PNISR: variants seen among roughly 807,000 people sequenced by gnomAD.
PNISR encodes PNN interacting serine and arginine rich protein, also known as arginine/serine-rich protein PNISR.
A neutral mutation model predicts 93.4 loss-of-function variants in PNISR; 20 were observed. That is an observed-to-expected ratio of 0.21 (90% CI 0.15 to 0.31). The LOEUF (loss-of-function observed/expected upper bound fraction) is 0.31, where lower values mean the gene tolerates loss of function less well. Ranked by LOEUF, PNISR falls within the 10% of genes least tolerant of loss-of-function variation. The pLI is 1.00. For synonymous variants in PNISR, 305 were observed against 306.5 expected (o/e 0.99, Z 0.05); for missense variants, 893 against 985.4 (o/e 0.91, Z 1.25).
intron 1 of PNISR, chr6:99,424,972 G>A (rs1369098577): frequency 5.7e-6 from 2 of 353,612 alleles, no homozygotes; most frequent in African/African-American, 4.2e-5. Context: ...CGTCCGAGAG[G>A]AAACTCTGTG....
In PNISR at chr6:99,416,354, AG is replaced by A; in HGVS notation, c.-38del. The A allele has an allele frequency of 8.8e-7, 1 of 1,139,556 alleles. No individual in the cohort carries two copies. The highest frequency in any genetic ancestry group is 1.1e-6 in the Non-Finnish European group (1 of 903,938). The allele number at this position is 1,139,556 out of a possible 1,614,324, so 70.6% of individuals were successfully genotyped here. ...CAACTGCTATTTAAACTGACCTCAG[AG>A]GTTCACCTTCTGTTTAAAACTTAGG... On this transcript the variant is annotated 5_prime_UTR_variant, in exon 2 of 12. Coordinates refer to ENST00000369239, the MANE Select transcript of PNISR (RefSeq NM_032870.4).
intron 3 of PNISR, among the ~76,000 whole-genome samples, chr6:99,413,126 G>A (rs139279218): frequency 4.0e-5 from 6 of 151,682 alleles, no homozygotes; most frequent in African/African-American, 9.7e-5. Context: ...ATAATCAAAC[G>A]CTATCATTTC....
chr6:99,414,459 TA>T, intron 3 of PNISR, 112 bp downstream of exon 3: 1 of 490,826 alleles, frequency 2.0e-6, no homozygotes. Context: ...ATTCTGACCA[TA>T]AAATGATCCA....
rs9376159 is a variant in PNISR, at chr6:99,412,234, C to T, written c.277+317G>A. 9 of 511,820 alleles carry T rather than the reference C, an allele frequency of 1.8e-5. No homozygotes were observed. In the East Asian group the frequency reaches 2.7e-4, roughly 15 times the overall value. The allele number at this position is 511,820 out of a possible 1,614,324, so 31.7% of individuals were successfully genotyped here. On this transcript the variant is annotated intron_variant, in intron 4 of 11. Transcript: ENST00000369239. ...TCTGCCAGTGCTGCTTCTGAAAAGG[C>T]CAGAGGTTGCAATAGAGAGACAAAG...
In PNISR at chr6:99,410,593, T is replaced by C. The variant is rs958379008; in HGVS notation, c.501+148A>G. 18 of 554,160 alleles carry C rather than the reference T, an allele frequency of 3.2e-5. No homozygotes were observed. The East Asian group carries it at 4.8e-4, about 15-fold the overall frequency. 34.3% of individuals were successfully genotyped at this position (554,160 alleles called of 1,614,324 possible). On this transcript the variant is annotated intron_variant, in intron 5 of 11. Coordinates refer to ENST00000369239, the MANE Select transcript of PNISR (RefSeq NM_032870.4). ...AGAAAACAAATTCTAATTATTTTAA[T>C]ACTCAAAAATTGATAACTGAGACAG...
At position 99,401,751 on chromosome 6, in the gene PNISR, C is replaced by A. The variant is rs181032611; in HGVS notation, c.1328-121G>T. On this transcript the variant is annotated intron_variant, in intron 11 of 11. Coordinates refer to ENST00000369239, the MANE Select transcript of PNISR (RefSeq NM_032870.4). ...ATTTTCAATAGAATTACGATGCAAG[C>A]CATGTAAGTAATTCAAAATTTTTTA... 1.3e-3 allele frequency: 912 copies of A among 710,534 alleles called. 1 individual carries two copies. Among genetic ancestry groups the A allele is most frequent in the Non-Finnish European group, 1.6e-3 (811 of 497,496 alleles). The allele number at this position is 710,534 out of a possible 1,614,324, so 44.0% of individuals were successfully genotyped here. A position where few individuals can be genotyped will look rare whatever the true frequency, so the allele number is the denominator to read the frequency against.
Position 99,410,779 on chromosome 6 carries a change from T to G in PNISR, c.463A>C (p.Asn155His), listed in dbSNP as rs748213911. Residue 155 changes from asparagine (N) to histidine (H), a missense_variant, in exon 5 of 12, where the codon AAT becomes CAT. Physicochemically the swap from Asn to His is moderately conservative, Grantham distance 68. Transcript: ENST00000369239. ...NNHNFGGPPD[N>H]FAVGPVNQFD... Reference sequence around the variant, plus strand: ...TGGTTCACTGGCCCCACTGCAAAATTATCGGGTGGTCCACCAAAGTTGTGA... The same window carrying G: ...TGGTTCACTGGCCCCACTGCAAAATGATCGGGTGGTCCACCAAAGTTGTGA... 1.9e-6 allele frequency: 3 copies of G among 1,613,958 alleles called. No homozygotes were observed. Among genetic ancestry groups the G allele is most frequent in the Non-Finnish European group, 2.5e-6 (3 of 1,179,980 alleles).
intron 2 of PNISR, 70 bp from the exon 3 acceptor site, chr6:99,414,760 TA>T (rs1777442729): frequency 1.6e-6 from 1 of 638,998 alleles, no homozygotes; most frequent in African/African-American, 1.9e-5. Flanking sequence ...CATCAGAAAT[TA>T]TTATATGATG....
chr6:99,406,212 T>C, intron 7 of PNISR, 44 bp from the exon 8 acceptor site: 1 of 1,334,330 alleles, frequency 7.5e-7, no homozygotes. Context: ...ATGTGTATAA[T>C]GTAAAATCCT....
chr6:99,422,313 T>C (rs1021514108), intron 1 of PNISR, among the ~76,000 whole-genome samples: 37 of 152,300 alleles, frequency 2.4e-4, no homozygotes, highest in African/African-American at 8.7e-4. Context: ...ATGCATAGGA[T>C]GAAATATTTC....
chr6:99,414,614 G>T lies in PNISR; in HGVS notation c.46C>A (p.Gln16Lys). 1 of 1,607,556 alleles carries T rather than the reference G, an allele frequency of 6.2e-7. No homozygotes were observed. Among genetic ancestry groups the T allele is most frequent in the Non-Finnish European group, 8.5e-7 (1 of 1,174,878 alleles). ...TGGAATGACTGCATCCATTGTTGCT[G>T]GTTCAAGGGCCACTGCTGCCAAGGC... ...GQPWQQWPLN[Q>K]QQWMQSFQHQ... The change falls in exon 3 of 12, where the codon CAG (glutamine) becomes AAG (lysine). Residue 16 changes from glutamine to lysine, a missense_variant. Gln to Lys is a moderately conservative substitution (Grantham distance 53). Coordinates refer to ENST00000369239, the MANE Select transcript of PNISR (RefSeq NM_032870.4).
intron 3 of PNISR, among the ~76,000 whole-genome samples, chr6:99,413,614 C>G (rs1777275406): frequency 6.6e-6 from 1 of 152,102 alleles, no homozygotes; most frequent in Admixed American, 6.6e-5. Flanking sequence ...GCATGAACCA[C>G]CGCACCTGGC....
Position 99,403,898 on chromosome 6 carries a change from AC to A in PNISR, c.1103-17del. On this transcript the variant is annotated splice_polypyrimidine_tract_variant and intron_variant, in intron 9 of 11. Transcript: ENST00000369239. Reference sequence around the variant, plus strand: ...TTTGCAGGAGCTTTGTATCACATCAACAACAGGAACAACATGTTAACACAAA... The same window carrying A: ...TTTGCAGGAGCTTTGTATCACATCAAAACAGGAACAACATGTTAACACAAA... 1 of 1,600,160 alleles carries A rather than the reference AC, an allele frequency of 6.2e-7. No individual in the cohort carries two copies. The highest frequency in any genetic ancestry group is 8.6e-7 in the Non-Finnish European group (1 of 1,167,894).
At chr6:99,404,904 A>C (rs1775965514) in intron 8 of PNISR, among the ~76,000 whole-genome samples, 1 of 151,858 alleles carries the variant, frequency 6.6e-6, no homozygotes, top group African/African-American at 2.4e-5. Flanking sequence ...TCAGTCTCCC[A>C]AGTGGCTGGA....
Position 99,401,209 on chromosome 6 carries a change from C to G in PNISR, c.1749G>C (p.Glu583Asp), listed in dbSNP as rs1297620389. The G allele has an allele frequency of 1.9e-6, 3 of 1,613,946 alleles. No individual in the cohort carries two copies. The highest frequency in any genetic ancestry group is 2.2e-5 in the South Asian group (2 of 91,074). ...SRSYSRRIKI[E>D]SNRARVKIRD... ...TAATCTTTACCCTAGCCCTATTGCTCTCTATTTTAATTCTGCGAGAATAGC... is the reference window on the plus strand; with the variant it reads ...TAATCTTTACCCTAGCCCTATTGCTGTCTATTTTAATTCTGCGAGAATAGC... The change falls in exon 12 of 12, where the codon GAG becomes GAC. Residue 583 changes from glutamate to aspartate, a missense_variant. By Grantham distance (45) the Glu-to-Asp change is conservative (BLOSUM62 2). Transcript: ENST00000369239.
chr6:99,411,380 A>G (rs548616627), intron 4 of PNISR, among the ~76,000 whole-genome samples: 1 of 152,204 alleles, frequency 6.6e-6, no homozygotes, highest in African/African-American at 2.4e-5. Flanking sequence ...ATTTTTGCCA[A>G]TTTCGGGAGG....
chr6:99,419,902 T>TTTTTTTTG (rs1486312539), intron 1 of PNISR, among the ~76,000 whole-genome samples: 1 of 152,004 alleles, frequency 6.6e-6, no homozygotes, highest in Non-Finnish European at 1.5e-5. Context: ...TTTTTTTTTT[T>TTTTTTTTG]GAGATGGAGT....
intron 3 of PNISR, among the ~76,000 whole-genome samples, chr6:99,413,150 T>C (rs1259356134): frequency 2.6e-5 from 4 of 152,074 alleles, no homozygotes; most frequent in Non-Finnish European, 4.4e-5. Context: ...CTTCAACATG[T>C]CCTATTTATC....
At chr6:99,418,293 A>C (rs1017571481) in intron 1 of PNISR, among the ~76,000 whole-genome samples, 6 of 151,622 alleles carry the variant, frequency 4.0e-5, no homozygotes, top group Non-Finnish European at 5.9e-5. Flanking sequence ...GCTCGCCACC[A>C]AGCCTGGCTA....
Sources: gnomAD v4.1 joint callset for allele counts (sites outside exome capture counted in the v4.1 genomes callset) on GRCh38, gnomAD v4.1.1 for gene constraint, MANE v1.5 for transcripts, NCBI Gene and HGNC (gene_info 2026-07-23, HGNC 2026-07-21) for gene names.